The following CACNA2D3 variants were observed in gnomAD, a reference collection of about 807,000 sequenced individuals.
The protein encoded by CACNA2D3 is calcium voltage-gated channel auxiliary subunit alpha2delta 3.
Under a neutral mutation model 160.6 loss-of-function variants are expected in CACNA2D3, and 60 were observed. The observed-to-expected ratio is 0.37, with a 90% confidence interval of 0.30 to 0.46. The LOEUF (loss-of-function observed/expected upper bound fraction) is 0.46. Among genes scored for constraint, CACNA2D3 ranks in the 20% least tolerant of loss-of-function variants. The pLI is 1.00. For missense variants in CACNA2D3, 1,205 were observed against 1,365.0 expected (o/e 0.88, Z 1.85); for synonymous variants, 558 against 492.9 (o/e 1.13, Z -1.75).
intron 4 of CACNA2D3, among the ~76,000 whole-genome samples, chr3:54,407,421 A>G (rs1202565881): frequency 6.6e-6 from 1 of 152,198 alleles, no homozygotes; most frequent in Non-Finnish European, 1.5e-5. Flanking sequence ...AATGTGTATC[A>G]GCTTGGCAGG....
At chr3:54,719,990 T>C (rs1278416198) in intron 11 of CACNA2D3, among the ~76,000 whole-genome samples, 1 of 152,000 alleles carries the variant, frequency 6.6e-6, no homozygotes, top group Non-Finnish European at 1.5e-5. Flanking sequence ...GTAGGGCCCT[T>C]CTTTTTTCCA....
chr3:54,851,519 G>A (rs1699057659), intron 17 of CACNA2D3, among the ~76,000 whole-genome samples: 2 of 152,196 alleles, frequency 1.3e-5, no homozygotes, highest in Admixed American at 6.5e-5. Flanking sequence ...TCTGCTGCGT[G>A]GGTTCTTCAG....
intron 5 of CACNA2D3, among the ~76,000 whole-genome samples, chr3:54,539,624 A>G (rs777881428): frequency 3.3e-5 from 5 of 152,318 alleles, no homozygotes; most frequent in Middle Eastern, 6.8e-3. Flanking sequence ...CACACACATG[A>G]CAGTGCTCAC....
At chr3:54,164,825 C>T (rs73844322) in intron 2 of CACNA2D3, among the ~76,000 whole-genome samples, 9,865 of 152,188 alleles carry the variant, frequency 0.065, 1,026 homozygotes, top group African/African-American at 0.22. Context: ...GCCCCAGGCC[C>T]GACACTTCCA....
chr3:54,674,917 A>T (rs186161926), intron 11 of CACNA2D3, among the ~76,000 whole-genome samples: 15 of 152,306 alleles, frequency 9.8e-5, no homozygotes, highest in Admixed American at 3.9e-4. Flanking sequence ...GATGGTGTTA[A>T]GGAGCTCAGA....
intron 14 of CACNA2D3, among the ~76,000 whole-genome samples, chr3:54,821,033 G>C (rs1047970260): frequency 1.3e-5 from 2 of 152,080 alleles, no homozygotes; most frequent in Non-Finnish European, 2.9e-5. Flanking sequence ...AGTTCCAAAC[G>C]TGGCTATTTA....
At position 54,149,883 on chromosome 3, in the gene CACNA2D3, GTC is replaced by G. The variant is rs554851240; in HGVS notation, c.204+26336_204+26337del. On this transcript the variant is annotated intron_variant, in intron 2 of 37. Coordinates refer to ENST00000474759, the MANE Select transcript of CACNA2D3 (RefSeq NM_018398.3). ...CAGAGAGGGCTGTCCTGAAGTATCT[GTC>G]TCTCTCTCTCTCTCTCTCTCTCTCT... 4.3e-3 allele frequency among the ~76,000 whole-genome samples: 264 copies of G among 60,722 alleles called. 7 individuals carry two copies. The highest frequency in any genetic ancestry group is 5.1e-3 in the African/African-American group (69 of 13,640). The allele number at this position is 60,722 out of a possible 152,430, so 39.8% of individuals were successfully genotyped here. A position where few individuals can be genotyped will look rare whatever the true frequency, so the allele number is the denominator to read the frequency against.
At chr3:54,730,781 G>A (rs1206350194) in intron 11 of CACNA2D3, among the ~76,000 whole-genome samples, 2 of 152,170 alleles carry the variant, frequency 1.3e-5, no homozygotes. Flanking sequence ...GGGATTACAG[G>A]AGTGAGCCAC....
intron 2 of CACNA2D3, among the ~76,000 whole-genome samples, chr3:54,262,933 T>C (rs1702431925): frequency 6.6e-6 from 1 of 152,260 alleles, no homozygotes; most frequent in Non-Finnish European, 1.5e-5. Context: ...AGGAATCTGC[T>C]TGCTTATAAT....
At chr3:54,863,655 A>G (rs1315464863) in intron 17 of CACNA2D3, among the ~76,000 whole-genome samples, 1 of 152,102 alleles carries the variant, frequency 6.6e-6, no homozygotes, top group Admixed American at 6.6e-5. Context: ...ATGGCTACCC[A>G]GAGGACACTG....
rs1203773277 is a variant in CACNA2D3, at chr3:55,074,216, A to AGAT, written c.*12_*14dup. On this transcript the variant is annotated 3_prime_UTR_variant, in exon 38 of 38. Coordinates refer to ENST00000474759, the MANE Select transcript of CACNA2D3 (RefSeq NM_018398.3). ...GCTCTTCTCAAGGTGACACTGACTG[A>AGAT]GATGTTCTCTTACTGACTGAGATGT... 2 of 1,018,496 alleles carry AGAT rather than the reference A, an allele frequency of 2.0e-6. No individual in the cohort carries two copies. Among genetic ancestry groups the AGAT allele is most frequent in the Non-Finnish European group, 1.4e-6 (1 of 708,478 alleles). The allele number at this position is 1,018,496 out of a possible 1,614,324, so 63.1% of individuals were successfully genotyped here.
At chr3:54,956,526 C>G (rs7627765) in intron 27 of CACNA2D3, among the ~76,000 whole-genome samples, 2,160 of 152,288 alleles carry the variant, frequency 0.014, 49 homozygotes, top group African/African-American at 0.049. Context: ...AAACTCGTTA[C>G]CAACCTAGGA....
chr3:54,246,277 C>G (rs1702074354), intron 2 of CACNA2D3, among the ~76,000 whole-genome samples: 1 of 152,218 alleles, frequency 6.6e-6, no homozygotes, highest in Non-Finnish European at 1.5e-5. Context: ...ATAGGTTCCT[C>G]TATTTTCTTT....
intron 3 of CACNA2D3, among the ~76,000 whole-genome samples, chr3:54,321,334 G>A (rs1703987694): frequency 6.8e-6 from 1 of 147,894 alleles, no homozygotes. Flanking sequence ...AAAAAAAAAA[G>A]TTTTTAAGAG....
chr3:54,493,684 G>C (rs1251457740), intron 4 of CACNA2D3, among the ~76,000 whole-genome samples: 1 of 152,208 alleles, frequency 6.6e-6, no homozygotes, highest in Non-Finnish European at 1.5e-5. Flanking sequence ...CTTCCAGTCA[G>C]AGAAGTTTTT....
chr3:54,586,665 A>G (rs1851050), intron 9 of CACNA2D3, among the ~76,000 whole-genome samples: 42,896 of 152,088 alleles, frequency 0.28, 6,882 homozygotes, highest in South Asian at 0.4. Flanking sequence ...AACACCATCA[A>G]CCAATGAGAT....
chr3:54,627,471 G>GT (rs1221694984), intron 9 of CACNA2D3, among the ~76,000 whole-genome samples: 1 of 152,190 alleles, frequency 6.6e-6, no homozygotes, highest in African/African-American at 2.4e-5. Context: ...GAGCGGGAGA[G>GT]TAGGGGTAGG....
intron 13 of CACNA2D3, among the ~76,000 whole-genome samples, chr3:54,775,194 A>G (rs1450769692): frequency 1.3e-5 from 2 of 152,206 alleles, no homozygotes; most frequent in African/African-American, 4.8e-5. Flanking sequence ...ATCAATCCAA[A>G]AGGAAATTGA....
chr3:54,312,781 C>CA (rs1298000982), intron 2 of CACNA2D3, among the ~76,000 whole-genome samples: 1 of 152,120 alleles, frequency 6.6e-6, no homozygotes. Flanking sequence ...AGAGAGAATA[C>CA]AAAGTTTCTC....
Sources: gnomAD v4.1 joint callset for allele counts (sites outside exome capture counted in the v4.1 genomes callset) on GRCh38, gnomAD v4.1.1 for gene constraint, MANE v1.5 for transcripts, NCBI Gene and HGNC (gene_info 2026-07-23, HGNC 2026-07-21) for gene names.